The following DOP1B variants were observed in gnomAD, a reference collection of about 807,000 sequenced individuals.
The protein encoded by DOP1B is DOP1 leucine zipper like protein B, also known as protein DOP1B.
Under a neutral mutation model 233.5 loss-of-function variants are expected in DOP1B, and 174 were observed. That is an observed-to-expected ratio of 0.75 (90% CI 0.66 to 0.85). The LOEUF (loss-of-function observed/expected upper bound fraction) is 0.85. DOP1B is among the 40% of genes least tolerant of loss of function. The probability of loss-of-function intolerance (pLI) is 0.00; values close to 1 mark genes in which losing one functional copy is unlikely to be tolerated. For missense variants in DOP1B, 2,652 were observed against 2,846.6 expected (o/e 0.93, Z 1.56); for synonymous variants, 1,190 against 1,185.6 (o/e 1.00, Z -0.08).
At chr21:36,169,278 T>C in intron 2 of DOP1B, 2 of 819,994 alleles carry the variant, frequency 2.4e-6, no homozygotes, top group South Asian at 2.7e-5. Context: ...GTGGAGGCAT[T>C]GTTCTTGATC....
At chr21:36,242,169 T>C (rs2066900322) in intron 18 of DOP1B, among the ~76,000 whole-genome samples, 1 of 149,062 alleles carries the variant, frequency 6.7e-6, no homozygotes, top group African/African-American at 2.5e-5. Context: ...TTATTATTAT[T>C]ATTATTATTA....
chr21:36,193,769 T>G (rs2066259375), intron 2 of DOP1B, among the ~76,000 whole-genome samples: 1 of 152,176 alleles, frequency 6.6e-6, no homozygotes, highest in African/African-American at 2.4e-5. Flanking sequence ...ACCTCCATGG[T>G]GGCCTTTACC....
rs1601428156 is a variant in DOP1B, at chr21:36,227,922, G to A, written c.1665+45G>A. The A allele has an allele frequency of 2.7e-6, 4 of 1,493,984 alleles. No homozygotes were observed. The Admixed American group carries it at 6.6e-5, about 25-fold the overall frequency. 92.5% of individuals were successfully genotyped at this position (1,493,984 alleles called of 1,614,324 possible). The stretch of plus-strand genomic sequence containing the variant: ...GAAATGGTTCTGGGGGCTAAAAGCA[G>A]CTTATGCCTTCCTGGGAGTAGAAAG... On this transcript the variant is annotated intron_variant, in intron 13 of 36. Coordinates refer to ENST00000691173, the MANE Select transcript of DOP1B (RefSeq NM_001320714.2).
Position 36,263,655 on chromosome 21 carries a change from C to A in DOP1B, c.5420+5C>A. ...TGGGTATTTTCTGCTTCTCAGGTAT[C>A]ATGTCACCACATTGTCATTGTGTAA... On this transcript the variant is annotated splice_donor_5th_base_variant and intron_variant, in intron 25 of 36. Coordinates refer to ENST00000691173, the MANE Select transcript of DOP1B (RefSeq NM_001320714.2). 1 of 1,613,098 alleles carries A rather than the reference C, an allele frequency of 6.2e-7. No individual in the cohort carries two copies.
intron 23 of DOP1B, among the ~76,000 whole-genome samples, chr21:36,258,110 T>C (rs2067129183): frequency 6.6e-6 from 1 of 152,050 alleles, no homozygotes; most frequent in Non-Finnish European, 1.5e-5. Flanking sequence ...GGTAGGTAGA[T>C]AGATATTATG....
At chr21:36,232,457 C>G (rs919616934) in intron 14 of DOP1B, among the ~76,000 whole-genome samples, 2 of 152,172 alleles carry the variant, frequency 1.3e-5, no homozygotes, top group Non-Finnish European at 2.9e-5. Flanking sequence ...TGGTGCTGGC[C>G]GGCAACCCTT....
intron 4 of DOP1B, among the ~76,000 whole-genome samples, chr21:36,201,434 G>A (rs959340335): frequency 6.1e-5 from 8 of 131,102 alleles, no homozygotes; most frequent in African/African-American, 2.4e-4. Context: ...TACAACCTCC[G>A]CCTCCTGGGT....
chr21:36,192,152 A>C (rs2066240988), intron 2 of DOP1B, among the ~76,000 whole-genome samples: 1 of 151,752 alleles, frequency 6.6e-6, no homozygotes, highest in Admixed American at 6.6e-5. Flanking sequence ...TAAGCTCAGG[A>C]GTTTGAGACT....
In DOP1B at chr21:36,291,264, C is replaced by T. The variant is rs554331955; in HGVS notation, c.6516-840C>T. On this transcript the variant is annotated intron_variant, in intron 35 of 36. Coordinates refer to ENST00000691173, the MANE Select transcript of DOP1B (RefSeq NM_001320714.2). ...CGAAAGAGCGAAACTGCATCTCAAACCAAAAAAAAGTGGAGGCTAGGCGCA... is the reference window on the plus strand; with the variant it reads ...CGAAAGAGCGAAACTGCATCTCAAATCAAAAAAAAGTGGAGGCTAGGCGCA... 2.5e-4 allele frequency among the ~76,000 whole-genome samples: 38 copies of T among 150,088 alleles called. 1 individual carries two copies. The South Asian group carries it at 4.6e-3, about 18-fold the overall frequency.
rs2067060826 is a variant in DOP1B at position 36,253,815 on chromosome 21, T to A, written c.5165T>A (p.Leu1722Ter). 6.2e-7 allele frequency: 1 copy of A among 1,613,816 alleles called. No individual in the cohort carries two copies. Among genetic ancestry groups the A allele is most frequent in the Non-Finnish European group, 8.5e-7 (1 of 1,179,964 alleles). Residue 1722 changes from leucine to a stop codon, truncating the protein, a stop_gained, in exon 23 of 37, where the codon TTG becomes TAG. Coordinates refer to ENST00000691173, the MANE Select transcript of DOP1B (RefSeq NM_001320714.2). LOFTEE classifies it high-confidence loss of function. ...GCATCCCAGCTAACCCTTGTCGACT[T>A]GGTGTGTGCACTCAGCACCCTGCAG... ...ASASQLTLVD[L>*]VCALSTLQTD...
rs1416107076 is a variant in DOP1B at position 36,227,675 on chromosome 21, T to C, written c.1474-11T>C. 8.6e-6 allele frequency: 13 copies of C among 1,515,964 alleles called. No homozygotes were observed. In the South Asian group the frequency reaches 1.7e-4, roughly 19 times the overall value. 93.9% of individuals were successfully genotyped at this position (1,515,964 alleles called of 1,614,324 possible). A position where few individuals can be genotyped will look rare whatever the true frequency, so the allele number is the denominator to read the frequency against. On this transcript the variant is annotated splice_polypyrimidine_tract_variant and intron_variant, in intron 12 of 36. Coordinates refer to ENST00000691173, the MANE Select transcript of DOP1B (RefSeq NM_001320714.2). ...AACATTGTGGGGTTAACCTACACGT[T>C]TATTTCACAGGAACTTTACTCTGAG... is the stretch of plus-strand genomic sequence containing the variant.
At chr21:36,228,561 T>C (rs2066719754) in intron 13 of DOP1B, among the ~76,000 whole-genome samples, 1 of 151,710 alleles carries the variant, frequency 6.6e-6, no homozygotes. Flanking sequence ...GGTCAGGAGA[T>C]CAAGACCATC....
At chr21:36,185,661 G>A (rs935937685) in intron 2 of DOP1B, among the ~76,000 whole-genome samples, 2 of 152,200 alleles carry the variant, frequency 1.3e-5, no homozygotes, top group African/African-American at 4.8e-5. Context: ...CTGAGGAAGT[G>A]CTGTGCCATC....
At chr21:36,259,303 C>A (rs2067143543) in intron 23 of DOP1B, among the ~76,000 whole-genome samples, 1 of 144,654 alleles carries the variant, frequency 6.9e-6, no homozygotes. Flanking sequence ...TGGAGTCTCG[C>A]TCTGTTGCCT....
In DOP1B at chr21:36,278,072, T is replaced by C; in HGVS notation, c.5810T>C (p.Leu1937Ser). 1 of 1,614,130 alleles carries C rather than the reference T, an allele frequency of 6.2e-7. No individual in the cohort carries two copies. The highest frequency in any genetic ancestry group is 8.5e-7 in the Non-Finnish European group (1 of 1,179,956). Residue 1937 changes from leucine (L) to serine (S), a missense_variant, in exon 29 of 37, where the codon TTA (leucine) becomes TCA (serine). This residue lies in a region of DOP1B where 2,617 missense variants were observed against 2,794.3 expected (regional missense o/e 0.94). Coordinates refer to ENST00000691173, the MANE Select transcript of DOP1B (RefSeq NM_001320714.2). The stretch of plus-strand genomic sequence containing the variant: ...CTGCTTTACTATGTTTTTCCATACT[T>C]ACGCAACCACAGGTAACGTCATCTT... ...SRLLYYVFPY[L>S]RNHSAYNAPS... is the part of the protein sequence containing the mutation.
At chr21:36,234,294 A>G (rs1044691791) in intron 15 of DOP1B, among the ~76,000 whole-genome samples, 42 of 152,326 alleles carry the variant, frequency 2.8e-4, no homozygotes, top group Non-Finnish European at 5.3e-4. Flanking sequence ...TTGGCCCTAC[A>G]TAGATCAGAG....
intron 8 of DOP1B, 29 bp downstream of exon 8, chr21:36,214,219 G>A (rs376462408): frequency 6.4e-7 from 1 of 1,563,206 alleles, no homozygotes; most frequent in Non-Finnish European, 8.8e-7. Flanking sequence ...AAAGTTCAGG[G>A]TATCCTTGGT....
chr21:36,181,152 T>A (rs766092246), intron 2 of DOP1B, among the ~76,000 whole-genome samples: 12 of 152,170 alleles, frequency 7.9e-5, no homozygotes, highest in Non-Finnish European at 1.5e-4. Flanking sequence ...AACAAAGAAG[T>A]CCAAAATCAA....
chr21:36,208,320 A>G (rs369126258), intron 4 of DOP1B, among the ~76,000 whole-genome samples: 10 of 152,290 alleles, frequency 6.6e-5, no homozygotes, highest in African/African-American at 1.7e-4. Flanking sequence ...TTGATACACC[A>G]ATGGCTCCTT....
Sources: gnomAD v4.1 joint callset for allele counts (sites outside exome capture counted in the v4.1 genomes callset) on GRCh38, gnomAD v4.1.1 for gene constraint, gnomAD v4.1.1 regional missense constraint, MANE v1.5 for transcripts, NCBI Gene and HGNC (gene_info 2026-07-23, HGNC 2026-07-21) for gene names.